TMEM164: variants seen among roughly 807,000 people sequenced by gnomAD.
TMEM164 encodes transmembrane protein 164.
A neutral mutation model predicts 18.8 loss-of-function variants in TMEM164; 4 were observed. That is an observed-to-expected ratio of 0.21 (90% CI 0.10 to 0.49). The LOEUF is 0.49. Ranked by LOEUF, TMEM164 falls within the 20% of genes least tolerant of loss-of-function variation. TMEM164 has a pLI of 0.98. For synonymous variants in TMEM164, 86 were observed against 101.7 expected (o/e 0.85, Z 0.93); for missense variants, 108 against 239.9 (o/e 0.45, Z 3.63).
chrX:110,146,969 C>G (rs768617267), intron 5 of TMEM164, among the ~76,000 whole-genome samples: 1 of 112,101 alleles, frequency 8.9e-6, no homozygotes, highest in Non-Finnish European at 1.9e-5. Context: ...CAATTTTTAC[C>G]CAGTACAAGA....
At chrX:110,103,460 C>T (rs1383229877) in intron 3 of TMEM164, among the ~76,000 whole-genome samples, 2 of 111,677 alleles carry the variant, frequency 1.8e-5, no homozygotes, top group Non-Finnish European at 3.8e-5. Context: ...TGTAGGGCTG[C>T]ACCCTAGTTG....
intron 2 of TMEM164, among the ~76,000 whole-genome samples, chrX:110,017,444 T>TTC (rs1555984589): frequency 1.4e-3 from 59 of 42,958 alleles, no homozygotes; most frequent in Admixed American, 3.2e-3. Context: ...CTTTCTTTCT[T>TTC]TCTCTCTCTC....
intron 2 of TMEM164, chrX:110,046,092 A>C (rs1207972767): frequency 9.3e-6 from 7 of 753,095 alleles, no homozygotes; most frequent in Non-Finnish European, 1.1e-5. Flanking sequence ...GTTGGTTTAC[A>C]TTTAAGGCTG....
chrX:110,144,712 C>T, intron 4 of TMEM164, 86 bp from the exon 5 acceptor site: 2 of 724,506 alleles, frequency 2.8e-6, no homozygotes, highest in East Asian at 3.4e-5. Flanking sequence ...AATATGGGTC[C>T]TGAACAGCAG....
intron 5 of TMEM164, among the ~76,000 whole-genome samples, chrX:110,161,122 G>A (rs1415993455): frequency 8.9e-6 from 1 of 112,298 alleles, no homozygotes; most frequent in African/African-American, 3.2e-5. Flanking sequence ...TCTCTTGAGT[G>A]GGCTTTCAGC....
intron 2 of TMEM164, among the ~76,000 whole-genome samples, 193 bp from the exon 3 acceptor site, chrX:110,067,154 G>GCA (rs56336159): frequency 0.24 from 24,844 of 101,423 alleles, 3,802 homozygotes; most frequent in African/African-American, 0.55. Context: ...TCATGTGTGC[G>GCA]CACACACACA....
At chrX:110,183,757 AT>A (rs749899745), downstream of TMEM164, among the ~76,000 whole-genome samples, 1 of 112,466 alleles carries the variant, frequency 8.9e-6, no homozygotes, top group South Asian at 3.7e-4. Flanking sequence ...TTTGAACTTG[AT>A]TCTTATTCTG....
chrX:110,028,246 TA>T (rs1372747663), intron 2 of TMEM164, among the ~76,000 whole-genome samples: 2 of 112,525 alleles, frequency 1.8e-5, no homozygotes, highest in African/African-American at 3.2e-5. Flanking sequence ...TATTTGCTAC[TA>T]AAAAATCAAT....
At chrX:110,183,206 C>T (rs1169060251), downstream of TMEM164, among the ~76,000 whole-genome samples, 1 of 112,272 alleles carries the variant, frequency 8.9e-6, no homozygotes, top group Admixed American at 9.4e-5. Context: ...TAGGAGAGCA[C>T]TGCCGTCAGA....
intron 2 of TMEM164, among the ~76,000 whole-genome samples, chrX:110,030,440 A>T (rs1602499497): frequency 8.2e-5 from 8 of 97,341 alleles, no homozygotes; most frequent in Admixed American, 1.1e-4. Flanking sequence ...TTTTTTTAAC[A>T]TTTTTTTTCG....
intron 3 of TMEM164, among the ~76,000 whole-genome samples, chrX:110,092,056 C>G (rs1333550266): frequency 1.8e-5 from 2 of 111,657 alleles, no homozygotes; most frequent in Admixed American, 1.9e-4. Flanking sequence ...CTGTTCTGTT[C>G]CATTGGTCCA....
Position 110,175,908 on chromosome X carries a change from C to T in TMEM164, c.*2457C>T. The T allele has an allele frequency of 2.6e-6, 2 of 755,929 alleles. No homozygotes were observed. The highest frequency in any genetic ancestry group is 3.1e-6 in the Non-Finnish European group (2 of 639,721). The allele number at this position is 755,929 out of a possible 1,213,427, so 62.3% of individuals were successfully genotyped here. A position where few individuals can be genotyped will look rare whatever the true frequency, so the allele number is the denominator to read the frequency against. ...GCAGCCTGCCTTACAGGGTAGCCCA[C>T]CTTATAGGGTAGCCCTCATATCTGC... On this transcript the variant is annotated 3_prime_UTR_variant, in exon 7 of 7. Transcript: ENST00000372068.
chrX:110,151,838 G>A (rs1299197657), intron 5 of TMEM164, among the ~76,000 whole-genome samples: 2 of 110,942 alleles, frequency 1.8e-5, no homozygotes, highest in Non-Finnish European at 3.8e-5. Flanking sequence ...TGAACTACAT[G>A]CTCCTATCAC....
At chrX:110,020,253 A>G in intron 2 of TMEM164, 1 of 427,380 alleles carries the variant, frequency 2.3e-6, no homozygotes. Flanking sequence ...CTAATTTTTT[A>G]AAAATTAAGT....
intron 4 of TMEM164, among the ~76,000 whole-genome samples, chrX:110,110,356 G>C (rs2066273663): frequency 8.9e-6 from 1 of 112,180 alleles, no homozygotes; most frequent in African/African-American, 3.2e-5. Context: ...CACCTAATTA[G>C]CTTGATTTAA....
At chrX:110,017,405 C>CCTTCCTTCCTTTCTTTCTTT (rs1555984533) in intron 2 of TMEM164, among the ~76,000 whole-genome samples, 6 of 15,273 alleles carry the variant, frequency 3.9e-4, no homozygotes, top group African/African-American at 5.6e-4. Context: ...CCACCTCCTT[C>CCTTCCTTCCTTTCTTTCTTT]CTTTCTTTCT....
chrX:110,015,115 T>TG (rs1933269718), intron 2 of TMEM164, among the ~76,000 whole-genome samples: 1 of 112,213 alleles, frequency 8.9e-6, no homozygotes, highest in Non-Finnish European at 1.9e-5. Context: ...GACTGAGGTC[T>TG]GGGGCCTAAG....
chrX:110,092,694 C>T (rs1242334392), intron 3 of TMEM164, among the ~76,000 whole-genome samples: 2 of 111,490 alleles, frequency 1.8e-5, no homozygotes, highest in South Asian at 3.7e-4. Flanking sequence ...AATTGAATAC[C>T]CTTTATTTCT....
chrX:110,047,455 T>G (rs1327760842), intron 2 of TMEM164, among the ~76,000 whole-genome samples: 3 of 112,249 alleles, frequency 2.7e-5, no homozygotes, highest in Admixed American at 9.4e-5. Flanking sequence ...TGTCTTTCTT[T>G]AGAGTGAAAA....
Sources: allele counts gnomAD v4.1 joint callset (sites outside exome capture counted in the v4.1 genomes callset), GRCh38; gene constraint gnomAD v4.1.1; transcripts MANE v1.5; gene names NCBI Gene and HGNC (gene_info 2026-07-23, HGNC 2026-07-21).